The following CDH13 variants were observed in gnomAD, a reference collection of about 807,000 sequenced individuals.
CDH13 encodes cadherin 13, also known as cadherin-13.
Under a neutral mutation model 63.8 loss-of-function variants are expected in CDH13, and 24 were observed. That is an observed-to-expected ratio of 0.38 (90% CI 0.27 to 0.53). The LOEUF (loss-of-function observed/expected upper bound fraction) is 0.53, where lower values mean the gene tolerates loss of function less well. Ranked by LOEUF, CDH13 falls within the 20% of genes least tolerant of loss-of-function variation. CDH13 has a pLI of 0.85. For missense variants in CDH13, 1,049 were observed against 903.1 expected, an observed-to-expected ratio of 1.16 and a Z score of -2.07; for synonymous variants, 503 against 355.3, an observed-to-expected ratio of 1.42 and a Z score of -4.67.
chr16:83,382,791 C>G (rs1325682079), intron 6 of CDH13, among the ~76,000 whole-genome samples: 1 of 152,156 alleles, frequency 6.6e-6, no homozygotes, highest in Non-Finnish European at 1.5e-5. Context: ...AGGATTCCAT[C>G]CAGTTACACC....
chr16:83,391,094 C>G (rs1409925619), intron 6 of CDH13, among the ~76,000 whole-genome samples: 1 of 152,214 alleles, frequency 6.6e-6, no homozygotes, highest in African/African-American at 2.4e-5. Flanking sequence ...CCTCTGCTGC[C>G]TCTAACCTCC....
intron 3 of CDH13, among the ~76,000 whole-genome samples, chr16:83,076,144 G>T (rs1191823388): frequency 6.6e-6 from 1 of 152,136 alleles, no homozygotes; most frequent in African/African-American, 2.4e-5. Flanking sequence ...AGACCAAGTG[G>T]CCCATATGGG....
chr16:83,560,136 C>T (rs1238652620), intron 7 of CDH13, among the ~76,000 whole-genome samples: 2 of 152,128 alleles, frequency 1.3e-5, no homozygotes, highest in African/African-American at 2.4e-5. Context: ...CTGTGTTAGT[C>T]CCTGGACAAG....
At chr16:83,177,431 A>C (rs1447958349) in intron 4 of CDH13, among the ~76,000 whole-genome samples, 1 of 152,182 alleles carries the variant, frequency 6.6e-6, no homozygotes, top group African/African-American at 2.4e-5. Context: ...CACTTTCCTC[A>C]AAGTTTAACT....
intron 4 of CDH13, among the ~76,000 whole-genome samples, chr16:83,146,705 C>G (rs779503049): frequency 6.6e-6 from 1 of 152,190 alleles, no homozygotes; most frequent in Non-Finnish European, 1.5e-5. Flanking sequence ...ACCAATAATT[C>G]AAGCACAATT....
intron 6 of CDH13, among the ~76,000 whole-genome samples, chr16:83,415,357 A>G (rs754938426): frequency 3.3e-5 from 5 of 152,176 alleles, no homozygotes; most frequent in African/African-American, 4.8e-5. Flanking sequence ...ATTGATGAGA[A>G]TCCTTCTCAA....
chr16:82,856,764 G>A (rs1282071541), intron 1 of CDH13, among the ~76,000 whole-genome samples: 1 of 150,228 alleles, frequency 6.7e-6, no homozygotes, highest in East Asian at 1.9e-4. Context: ...ATACCAATAG[G>A]GAATGAGGAA....
Position 82,644,525 on chromosome 16 carries a change from G to C in CDH13, c.45+17388G>C, listed in dbSNP as rs1039329094. On this transcript the variant is annotated intron_variant, in intron 1 of 13. Coordinates refer to ENST00000567109, the MANE Select transcript of CDH13 (RefSeq NM_001257.5). This position sits in a 1 kb window ranked among gnomAD's most constrained non-coding sequence, Gnocchi z 5.7. Reference sequence around the variant, plus strand: ...ACAGTGAAACAAGGAAAGCAGCCTAGAGCTGGTCCCCAGACCAGGCCCAGT... The same window carrying C: ...ACAGTGAAACAAGGAAAGCAGCCTACAGCTGGTCCCCAGACCAGGCCCAGT... 2.0e-5 allele frequency among the ~76,000 whole-genome samples: 3 copies of C among 152,168 alleles called. No individual in the cohort carries two copies. Among genetic ancestry groups the C allele is most frequent in the Non-Finnish European group, 4.4e-5 (3 of 68,032 alleles).
At chr16:83,443,420 G>A (rs186583576) in intron 6 of CDH13, among the ~76,000 whole-genome samples, 1 of 152,056 alleles carries the variant, frequency 6.6e-6, no homozygotes, top group African/African-American at 2.4e-5. Flanking sequence ...GTTACGAAAA[G>A]GTTTGATTTA....
intron 5 of CDH13, among the ~76,000 whole-genome samples, chr16:83,257,430 G>A (rs369491382): frequency 1.8e-4 from 28 of 152,140 alleles, no homozygotes; most frequent in Non-Finnish European, 2.2e-4. Flanking sequence ...TTTCCTCTCC[G>A]CTCAGCTTTT....
chr16:83,404,801 C>A (rs1193772244), intron 6 of CDH13, among the ~76,000 whole-genome samples: 1 of 152,152 alleles, frequency 6.6e-6, no homozygotes, highest in African/African-American at 2.4e-5. Flanking sequence ...TTCTGTGCAG[C>A]CAGTTTTGCA....
At chr16:83,593,441 C>T (rs1351641343) in intron 7 of CDH13, among the ~76,000 whole-genome samples, 1 of 152,116 alleles carries the variant, frequency 6.6e-6, no homozygotes, top group East Asian at 1.9e-4. Flanking sequence ...GTGGAATCAT[C>T]TGGGTAGCTT....
rs921892504 is a variant in CDH13, at chr16:83,744,291, T to G, written c.1539-3817T>G. 2.0e-5 allele frequency among the ~76,000 whole-genome samples: 3 copies of G among 152,298 alleles called. No individual in the cohort carries two copies. The South Asian group carries it at 6.2e-4, about 32-fold the overall frequency. On this transcript the variant is annotated intron_variant, in intron 10 of 13. Coordinates refer to ENST00000567109, the MANE Select transcript of CDH13 (RefSeq NM_001257.5). ...CGCACAGACCTAGTGAGGTGATTAA[T>G]TCTACTGGGAAAGTCACACTGGATG...
At chr16:83,784,915 A>G (rs1040009866) in intron 13 of CDH13, among the ~76,000 whole-genome samples, 3 of 152,188 alleles carry the variant, frequency 2.0e-5, no homozygotes, top group Non-Finnish European at 2.9e-5. Flanking sequence ...AACCTCGATT[A>G]TCTCACTGGC....
chr16:83,542,430 C>G (rs765408193), intron 7 of CDH13, among the ~76,000 whole-genome samples: 34 of 152,242 alleles, frequency 2.2e-4, no homozygotes, highest in Non-Finnish European at 5.0e-4. Flanking sequence ...CCTCCCCACA[C>G]TGCCTGATTC....
At chr16:83,559,905 AAAAAT>A (rs1380045384) in intron 7 of CDH13, among the ~76,000 whole-genome samples, 1 of 152,196 alleles carries the variant, frequency 6.6e-6, no homozygotes, top group East Asian at 1.9e-4. Flanking sequence ...TTTTTAAAAT[AAAAAT>A]AAAAGATTAA....
At chr16:83,530,157 TG>T (rs1396927797) in intron 7 of CDH13, among the ~76,000 whole-genome samples, 1 of 152,188 alleles carries the variant, frequency 6.6e-6, no homozygotes, top group African/African-American at 2.4e-5. Context: ...ATGAGCATTT[TG>T]GGGGTGTTCA....
At chr16:83,712,868 C>T (rs888875908) in intron 10 of CDH13, among the ~76,000 whole-genome samples, 2 of 152,162 alleles carry the variant, frequency 1.3e-5, no homozygotes, top group Non-Finnish European at 2.9e-5. Context: ...AAAAATTCAG[C>T]CCTATTAAGT....
chr16:83,551,056 A>ATCTATCTATC (rs33969753), intron 7 of CDH13, among the ~76,000 whole-genome samples: 15,086 of 148,384 alleles, frequency 0.1, 921 homozygotes, highest in East Asian at 0.17. Flanking sequence ...TAAGTCATTT[A>ATCTATCTATC]TATCTATCTA....
Sources: gnomAD v4.1 joint callset for allele counts (sites outside exome capture counted in the v4.1 genomes callset) on GRCh38, gnomAD v4.1.1 for gene constraint, Gnocchi (gnomAD v3.1) non-coding constraint, MANE v1.5 for transcripts, NCBI Gene and HGNC (gene_info 2026-07-23, HGNC 2026-07-21) for gene names.